The following MACROD2 variants were observed in gnomAD, a reference collection of about 807,000 sequenced individuals.
MACROD2 encodes ADP-ribose glycohydrolase MACROD2.
Under a neutral mutation model 70.4 loss-of-function variants are expected in MACROD2, and 36 were observed. That is an observed-to-expected ratio of 0.51 (90% confidence interval 0.39 to 0.68). The LOEUF is 0.68. Among genes scored for constraint, MACROD2 ranks in the 30% least tolerant of loss-of-function variants. MACROD2 has a pLI of 0.00. For missense variants in MACROD2, 496 were observed against 538.4 expected, an observed-to-expected ratio of 0.92 and a Z score of 0.78; for synonymous variants, 172 against 178.8, an observed-to-expected ratio of 0.96 and a Z score of 0.30.
At position 14,476,981 on chromosome 20, in the gene MACROD2, T is replaced by C. The variant is rs536123713; in HGVS notation, c.272-16498T>C. Among the ~76,000 whole-genome samples the C allele has an allele frequency of 3.9e-5, 6 of 152,312 alleles. No homozygotes were observed. In the East Asian group the frequency reaches 5.8e-4, roughly 15 times the overall value. Reference sequence around the variant, plus strand: ...CTCAGGCTGATGGCATAATTGAGACTGTCAGTCTCTCAGGTACCACAGAGG... The same window carrying C: ...CTCAGGCTGATGGCATAATTGAGACCGTCAGTCTCTCAGGTACCACAGAGG... On this transcript the variant is annotated intron_variant, in intron 3 of 17. Coordinates refer to ENST00000684519, the MANE Select transcript of MACROD2 (RefSeq NM_001351661.2).
intron 8 of MACROD2, among the ~76,000 whole-genome samples, chr20:15,769,848 A>G (rs1298616259): frequency 6.6e-6 from 1 of 152,208 alleles, no homozygotes; most frequent in Admixed American, 6.5e-5. Flanking sequence ...AAGGAAGGTC[A>G]GAAAAGTTTT....
intron 5 of MACROD2, among the ~76,000 whole-genome samples, chr20:14,951,777 A>G (rs1442855028): frequency 6.6e-6 from 1 of 152,144 alleles, no homozygotes; most frequent in Non-Finnish European, 1.5e-5. Flanking sequence ...TCCTGAAAGG[A>G]AGGAAGCCAT....
chr20:15,250,621 T>C (rs1313016112), intron 6 of MACROD2, among the ~76,000 whole-genome samples: 1 of 152,180 alleles, frequency 6.6e-6, no homozygotes, highest in Non-Finnish European at 1.5e-5. Flanking sequence ...ATGTTGTGAT[T>C]TTCTGTGTAT....
intron 3 of MACROD2, among the ~76,000 whole-genome samples, chr20:14,298,297 G>T (rs2082443730): frequency 6.6e-6 from 1 of 151,860 alleles, no homozygotes; most frequent in South Asian, 2.1e-4. Flanking sequence ...GCTGGGTGTG[G>T]TGGCTCACGC....
intron 9 of MACROD2, among the ~76,000 whole-genome samples, chr20:15,878,389 C>T (rs2064705761): frequency 6.6e-6 from 1 of 152,066 alleles, no homozygotes; most frequent in Admixed American, 6.6e-5. Flanking sequence ...TGAGTGTCAC[C>T]TGGAGGGTCC....
rs1027655816 is a variant in MACROD2, at chr20:14,857,369, C to T, written c.418+172410C>T. 5.3e-5 allele frequency among the ~76,000 whole-genome samples: 8 copies of T among 152,206 alleles called. No homozygotes were observed. The East Asian group carries it at 1.5e-3, about 29-fold the overall frequency. On this transcript the variant is annotated intron_variant, in intron 5 of 17. Transcript: ENST00000684519. ...CTGACAGACCTGAACAAGGTGAAGA[C>T]ACTCTAGAGCTGTTGGAATTGTTCT... is the stretch of plus-strand genomic sequence containing the variant.
intron 7 of MACROD2, among the ~76,000 whole-genome samples, chr20:15,457,949 G>GAAAAA (rs552514425): frequency 9.2e-6 from 1 of 109,016 alleles, no homozygotes; most frequent in Non-Finnish European, 1.9e-5. Context: ...CACCTTAAAT[G>GAAAAA]AAAAAAAAAA....
In MACROD2 at chr20:14,611,482, T is replaced by A. The variant is rs867011130; in HGVS notation, c.302-73361T>A. 1.2e-4 allele frequency among the ~76,000 whole-genome samples: 10 copies of A among 85,966 alleles called. 1 individual carries two copies. Among genetic ancestry groups the A allele is most frequent in the African/African-American group, 5.7e-4 (10 of 17,456 alleles). 56.4% of individuals were successfully genotyped at this position (85,966 alleles called of 152,430 possible). ...TTTTTTTTTTTTTTTTGGCGGGGGG[T>A]CATATTTGCCTGATTATATCTCATC... On this transcript the variant is annotated intron_variant, in intron 4 of 17. Transcript: ENST00000684519.
chr20:14,668,479 C>G (rs192987870), intron 4 of MACROD2, among the ~76,000 whole-genome samples: 406 of 152,246 alleles, frequency 2.7e-3, no homozygotes, highest in Non-Finnish European at 4.2e-3. Context: ...TCAAATAACG[C>G]AGGCCTAGGG....
chr20:14,898,629 C>T (rs2073859141), intron 5 of MACROD2, among the ~76,000 whole-genome samples: 1 of 152,122 alleles, frequency 6.6e-6, no homozygotes, highest in South Asian at 2.1e-4. Context: ...GGGCTATAGT[C>T]TGGGTAGGGC....
At chr20:14,656,368 G>A (rs959851754) in intron 4 of MACROD2, among the ~76,000 whole-genome samples, 1 of 152,086 alleles carries the variant, frequency 6.6e-6, no homozygotes, top group African/African-American at 2.4e-5. Flanking sequence ...AAAAAGGTGG[G>A]GATTAAACCT....
At chr20:14,077,158 CTTACA>C (rs4052960) in intron 2 of MACROD2, among the ~76,000 whole-genome samples, 151,089 of 152,110 alleles carry the variant, frequency 0.99, 75,046 homozygotes, top group East Asian at 1. Flanking sequence ...CAACCTTAGA[CTTACA>C]TTACATTACA....
intron 10 of MACROD2, among the ~76,000 whole-genome samples, chr20:15,911,954 C>T (rs1410167524): frequency 3.3e-5 from 5 of 152,228 alleles, no homozygotes; most frequent in South Asian, 2.1e-4. Context: ...TGCAGTGAGC[C>T]GAGATCGTGC....
At chr20:14,258,307 T>C (rs958186218) in intron 3 of MACROD2, among the ~76,000 whole-genome samples, 8 of 152,178 alleles carry the variant, frequency 5.3e-5, no homozygotes, top group Non-Finnish European at 7.4e-5. Context: ...TTAAAGAATC[T>C]CCATACTGGT....
chr20:14,959,640 G>A (rs1432592199), intron 5 of MACROD2, among the ~76,000 whole-genome samples: 3 of 152,150 alleles, frequency 2.0e-5, no homozygotes, highest in African/African-American at 7.2e-5. Context: ...ACGGGATGGC[G>A]TCCACACAGA....
intron 3 of MACROD2, among the ~76,000 whole-genome samples, chr20:14,239,920 G>A (rs1343709834): frequency 6.6e-6 from 1 of 152,196 alleles, no homozygotes; most frequent in Non-Finnish European, 1.5e-5. Context: ...GAAAATATTT[G>A]TAAGCTGCAC....
intron 5 of MACROD2, among the ~76,000 whole-genome samples, chr20:15,067,278 T>G (rs1490218594): frequency 2.6e-5 from 4 of 152,356 alleles, no homozygotes; most frequent in Non-Finnish European, 4.4e-5. Flanking sequence ...ACCCTAATGC[T>G]TATTATTATA....
intron 4 of MACROD2, among the ~76,000 whole-genome samples, chr20:14,564,933 C>T (rs2123302052): frequency 6.6e-6 from 1 of 151,942 alleles, no homozygotes; most frequent in African/African-American, 2.4e-5. Context: ...ATGGAATCAA[C>T]CTAAATGTTG....
intron 8 of MACROD2, among the ~76,000 whole-genome samples, chr20:15,538,983 AT>A (rs2047916957): frequency 6.6e-6 from 1 of 152,122 alleles, no homozygotes; most frequent in Admixed American, 6.5e-5. Context: ...ATATGTCTAT[AT>A]CGCATAAAGT....
Sources: gnomAD v4.1 joint callset for allele counts (sites outside exome capture counted in the v4.1 genomes callset) on GRCh38, gnomAD v4.1.1 for gene constraint, MANE v1.5 for transcripts, NCBI Gene and HGNC (gene_info 2026-07-23, HGNC 2026-07-21) for gene names.